Variants in MGST1 observed in about 807,000 individuals in gnomAD.
The protein encoded by MGST1 is microsomal glutathione S-transferase 1.
In MGST1, 5 loss-of-function variants were observed where a neutral mutation model predicts 8.9. The ratio of observed to expected loss-of-function variants is 0.56; its 90% CI spans 0.29 to 1.19. MGST1 has a LOEUF of 1.19. MGST1 is among the 50% of genes most tolerant of loss of function. MGST1 has a pLI of 0.08. For missense variants in MGST1, 182 were observed against 187.4 expected, an observed-to-expected ratio of 0.97 and a Z score of 0.17; for synonymous variants, 54 against 67.8, an observed-to-expected ratio of 0.80 and a Z score of 1.00.
chr12:16,573,907 A>T (rs1335497609), intron 4 of MGST1: 1 of 152,280 alleles, frequency 6.6e-6, no homozygotes, highest in African/African-American at 2.4e-5. Flanking sequence ...AGGGCTTTTC[A>T]CACCTGATAG....
intron 3 of MGST1, among the ~76,000 whole-genome samples, chr12:16,371,691 C>T (rs1468705080): frequency 6.6e-6 from 1 of 152,082 alleles, no homozygotes. Flanking sequence ...AAAGGTACTT[C>T]ATCATTATTG....
At chr12:16,371,502 C>G (rs1940292774) in intron 3 of MGST1, among the ~76,000 whole-genome samples, 1 of 152,046 alleles carries the variant, frequency 6.6e-6, no homozygotes. Context: ...TGGGCCAAAT[C>G]TGACCTGCCA....
At chr12:16,423,639 G>T (rs7294377) in intron 1 of MGST1, among the ~76,000 whole-genome samples, 6,540 of 152,178 alleles carry the variant, frequency 0.043, 463 homozygotes, top group African/African-American at 0.15. Context: ...CACTTTGTCT[G>T]TATACTCATT....
intron 4 of MGST1, among the ~76,000 whole-genome samples, chr12:16,475,764 A>G (rs1203645557): frequency 1.3e-5 from 2 of 152,122 alleles, no homozygotes; most frequent in South Asian, 4.2e-4. Context: ...GTATTTTAGA[A>G]GTGTCCCTGT....
chr12:16,558,614 A>G (rs1409636016), intron 4 of MGST1, among the ~76,000 whole-genome samples: 1 of 152,110 alleles, frequency 6.6e-6, no homozygotes, highest in African/African-American at 2.4e-5. Flanking sequence ...GACTGAATGA[A>G]CTTACTTTGA....
At position 16,589,235 on chromosome 12, in the gene MGST1, C is replaced by T. The variant is rs999818492; in HGVS notation, n.483-293C>T. On this transcript the variant is annotated intron_variant and non_coding_transcript_variant, in intron 4 of 4. Transcript: ENST00000538857. This position sits in a 1 kb window ranked among gnomAD's most constrained non-coding sequence, Gnocchi z 4.2. ...TGATATTCACAGAAGATTATAACAA[C>T]AGTAGATGAATGCATCCTAATAGGA... Among the ~76,000 whole-genome samples, 2 of 152,062 alleles carry T rather than the reference C, an allele frequency of 1.3e-5. No individual in the cohort carries two copies. The highest frequency in any genetic ancestry group is 2.4e-5 in the African/African-American group (1 of 41,404).
intron 4 of MGST1, among the ~76,000 whole-genome samples, chr12:16,578,505 G>C (rs916623708): frequency 2.6e-5 from 4 of 152,164 alleles, no homozygotes; most frequent in African/African-American, 7.2e-5. Flanking sequence ...AGGTATAAAA[G>C]TTTCAAAGTA....
At chr12:16,353,782 T>TG (rs1939584862) in intron 1 of MGST1, among the ~76,000 whole-genome samples, 1 of 133,432 alleles carries the variant, frequency 7.5e-6, no homozygotes, top group African/African-American at 2.9e-5. Context: ...TTTTTTGAGA[T>TG]AGAGTCTCTC....
In MGST1 at chr12:16,404,420, C is replaced by A. The variant is rs542594186; in HGVS notation, n.778+20816C>A. ...TTTGTCTTTTACAGTGCATTTAGTT[C>A]ATTTTTATTTAATGTAACTGCTGAT... On this transcript the variant is annotated intron_variant and non_coding_transcript_variant, in intron 1 of 1. Transcript: ENST00000359720. Among the ~76,000 whole-genome samples the A allele has an allele frequency of 4.6e-5, 7 of 152,018 alleles. No individual in the cohort carries two copies. The East Asian group carries it at 1.4e-3, about 29-fold the overall frequency.
At chr12:16,359,854 G>C (rs181487858) in intron 3 of MGST1, among the ~76,000 whole-genome samples, 48 of 152,290 alleles carry the variant, frequency 3.2e-4, no homozygotes, top group Non-Finnish European at 6.0e-4. Flanking sequence ...GTGTGAAAGC[G>C]TAACAAAAGA....
chr12:16,514,027 C>A, intron 4 of MGST1: 1 of 418,254 alleles, frequency 2.4e-6, no homozygotes, highest in Admixed American at 3.1e-5. Context: ...CTCCCATAAT[C>A]CCACAGGAGT....
In MGST1 at chr12:16,369,593, A is replaced by T. The variant is rs1940256556; in HGVS notation, c.222-6529A>T. Among the ~76,000 whole-genome samples, 1 of 152,034 alleles carries T rather than the reference A, an allele frequency of 6.6e-6. No individual in the cohort carries two copies. Among genetic ancestry groups the T allele is most frequent in the African/African-American group, 2.4e-5 (1 of 41,374 alleles). On this transcript the variant is annotated intron_variant, in intron 3 of 3. Transcript: ENST00000535309. The surrounding 1 kb of genome is among the most constrained non-coding windows in gnomAD (Gnocchi z 4.8). Reference sequence around the variant, plus strand: ...CAGCCCATGGGCTGTTTTTATAAATAATGTTTTATTGGAACGCAGCAGTAC... The same window carrying T: ...CAGCCCATGGGCTGTTTTTATAAATTATGTTTTATTGGAACGCAGCAGTAC...
intron 4 of MGST1, among the ~76,000 whole-genome samples, chr12:16,557,653 G>C (rs975582523): frequency 1.3e-5 from 2 of 152,022 alleles, no homozygotes; most frequent in African/African-American, 4.8e-5. Context: ...AGTCAAGTTA[G>C]TGGACTATTA....
At chr12:16,514,396 G>A in intron 4 of MGST1, 1 of 280,350 alleles carries the variant, frequency 3.6e-6, no homozygotes, top group Non-Finnish European at 7.2e-6. Flanking sequence ...TGAAAACAAT[G>A]GTTGCAAGAA....
Position 16,458,983 on chromosome 12 carries a change from T to C in MGST1, n.482+75379T>C, listed in dbSNP as rs1186346175. Among the ~76,000 whole-genome samples the C allele has an allele frequency of 1.3e-5, 2 of 152,046 alleles. No homozygotes were observed. Among genetic ancestry groups the C allele is most frequent in the Non-Finnish European group, 2.9e-5 (2 of 67,968 alleles). On this transcript the variant is annotated intron_variant and non_coding_transcript_variant, in intron 4 of 4. Transcript: ENST00000538857. The surrounding 1 kb of genome is among the most constrained non-coding windows in gnomAD (Gnocchi z 4.0). ...AGGCAGAATTTCATACCCAGAGCACTGCTGAGCCTTGTTAGCAACCCTGGC... is the reference window on the plus strand; with the variant it reads ...AGGCAGAATTTCATACCCAGAGCACCGCTGAGCCTTGTTAGCAACCCTGGC...
chr12:16,398,539 T>G (rs1306668068), intron 1 of MGST1, among the ~76,000 whole-genome samples: 2 of 152,194 alleles, frequency 1.3e-5, no homozygotes, highest in Non-Finnish European at 2.9e-5. Flanking sequence ...GGCACAACCA[T>G]TCTTCCTTAG....
chr12:16,464,371 T>C (rs1000317903), intron 4 of MGST1, among the ~76,000 whole-genome samples: 4 of 152,320 alleles, frequency 2.6e-5, no homozygotes, highest in South Asian at 2.1e-4. Context: ...TTTCTTCCTT[T>C]GAAAGGAATG....
chr12:16,512,651 A>G (rs1003989100), intron 4 of MGST1, among the ~76,000 whole-genome samples: 1 of 152,252 alleles, frequency 6.6e-6, no homozygotes, highest in Admixed American at 6.5e-5. Flanking sequence ...CGCAGACAAA[A>G]CATAAAATCT....
At chr12:16,391,103 C>T (rs1488927685) in intron 1 of MGST1, among the ~76,000 whole-genome samples, 1 of 146,224 alleles carries the variant, frequency 6.8e-6, no homozygotes, top group Non-Finnish European at 1.5e-5. Context: ...AGATGTATGT[C>T]TTCTTTTGGA....
Sources: gnomAD v4.1 joint callset for allele counts (sites outside exome capture counted in the v4.1 genomes callset) on GRCh38, gnomAD v4.1.1 for gene constraint, Gnocchi (gnomAD v3.1) non-coding constraint, MANE v1.5 for transcripts, NCBI Gene and HGNC (gene_info 2026-07-23, HGNC 2026-07-21) for gene names.